Variants in ATP2B2 observed in about 807,000 individuals in gnomAD.
ATP2B2 encodes plasma membrane calcium-transporting ATPase 2.
Under a neutral mutation model 120.0 loss-of-function variants are expected in ATP2B2, and 15 were observed. That is an observed-to-expected ratio of 0.12 (90% CI 0.08 to 0.19). The LOEUF (loss-of-function observed/expected upper bound fraction) is 0.19, where lower values mean the gene tolerates loss of function less well. ATP2B2 is among the 10% of genes least tolerant of loss of function. The pLI, the probability that ATP2B2 is intolerant of heterozygous loss-of-function variation, is 1.00. For synonymous variants in ATP2B2, 694 were observed against 700.3 expected (o/e 0.99, Z 0.14); for missense variants, 1,045 against 1,719.8 (o/e 0.61, Z 6.94).
At chr3:10,400,669 T>G (rs912767502) in intron 5 of ATP2B2, among the ~76,000 whole-genome samples, 1 of 152,324 alleles carries the variant, frequency 6.6e-6, no homozygotes, top group Non-Finnish European at 1.5e-5. Flanking sequence ...GTGTTCAGCT[T>G]TTTAGTAAAC....
intron 1 of ATP2B2, among the ~76,000 whole-genome samples, chr3:10,647,933 T>C (rs2070363124): frequency 1.3e-5 from 2 of 152,138 alleles, no homozygotes; most frequent in South Asian, 4.1e-4. Flanking sequence ...CCACACACAA[T>C]GGTCTTCATC....
chr3:10,386,371 G>T, intron 7 of ATP2B2, 109 bp downstream of exon 7: 1 of 1,268,546 alleles, frequency 7.9e-7, no homozygotes, highest in Non-Finnish European at 1.2e-6. Flanking sequence ...CCACCCACAG[G>T]CATGTGGCCT....
At chr3:10,569,950 T>C (rs556665469) in intron 2 of ATP2B2, among the ~76,000 whole-genome samples, 85 of 152,276 alleles carry the variant, frequency 5.6e-4, no homozygotes, top group African/African-American at 2.0e-3. Flanking sequence ...AAAACAAAAT[T>C]GGGAAGCTAA....
chr3:10,541,603 T>C (rs2067441522), intron 2 of ATP2B2, among the ~76,000 whole-genome samples: 1 of 152,250 alleles, frequency 6.6e-6, no homozygotes, highest in Non-Finnish European at 1.5e-5. Context: ...GACTTCTGGT[T>C]TGATTCCACC....
Position 10,416,675 on chromosome 3 carries a change from C to T in ATP2B2, c.200-5860G>A, listed in dbSNP as rs569274809. ...GGGGCAAAGGGAGCCTGTGCTTTGG[C>T]CCCAGAGCACAGAGCTGGCGACCTG... On this transcript the variant is annotated intron_variant, in intron 2 of 22. Transcript: ENST00000360273. Among the ~76,000 whole-genome samples the T allele has an allele frequency of 2.0e-5, 3 of 152,082 alleles. 1 individual carries two copies. The highest frequency in any genetic ancestry group is 7.2e-5 in the African/African-American group (3 of 41,468).
chr3:10,538,020 T>C (rs982793178), intron 2 of ATP2B2, among the ~76,000 whole-genome samples: 1 of 152,262 alleles, frequency 6.6e-6, no homozygotes, highest in African/African-American at 2.4e-5. Context: ...TAATTCTTTT[T>C]ACACAGTGTT....
chr3:10,683,760 G>GTGTATATATA lies in ATP2B2; in HGVS notation c.-460+24154_-460+24155insTATATATACA, dbSNP rs1446781892. 4.2e-3 allele frequency among the ~76,000 whole-genome samples: 225 copies of GTGTATATATA among 53,768 alleles called. 2 individuals carry two copies. Among genetic ancestry groups the GTGTATATATA allele is most frequent in the Non-Finnish European group, 5.5e-3 (143 of 26,104 alleles). The allele number at this position is 53,768 out of a possible 152,430, so 35.3% of individuals were successfully genotyped here. On this transcript the variant is annotated intron_variant, in intron 1 of 21. Coordinates refer to the ATP2B2 transcript ENST00000646379. ...TATGTGTATATATATGTGTGTGTGT[G>GTGTATATATA]TATATATATATATATATATATATAT...
chr3:10,342,696 G>A lies in ATP2B2; in HGVS notation c.2917+56C>T, dbSNP rs1436614031. 2 of 1,568,678 alleles carry A rather than the reference G, an allele frequency of 1.3e-6. No individual in the cohort carries two copies. The highest frequency in any genetic ancestry group is 3.4e-5 in the Admixed American group (2 of 59,668). ...GAGAATGCTGGGTGAGAGCCATGGT[G>A]CACCCAGAAGGTGATGACCCCGCCT... On this transcript the variant is annotated intron_variant, in intron 19 of 22. Transcript: ENST00000360273. The surrounding 1 kb of genome is among the most constrained non-coding windows in gnomAD (Gnocchi z 4.4).
intron 1 of ATP2B2, among the ~76,000 whole-genome samples, chr3:10,679,954 A>G (rs1278743873): frequency 6.6e-6 from 1 of 152,100 alleles, no homozygotes; most frequent in Admixed American, 6.5e-5. Flanking sequence ...TGGTCGGTAT[A>G]TGGTTCGAGG....
intron 22 of ATP2B2, among the ~76,000 whole-genome samples, chr3:10,331,399 T>C (rs1466459319): frequency 6.6e-6 from 1 of 152,196 alleles, no homozygotes; most frequent in East Asian, 1.9e-4. Flanking sequence ...TGAAGTGCAA[T>C]TCAGATGCTG....
chr3:10,654,388 T>C (rs1325581391), intron 1 of ATP2B2, among the ~76,000 whole-genome samples: 1 of 152,090 alleles, frequency 6.6e-6, no homozygotes, highest in Admixed American at 6.5e-5. Context: ...TTTGCTCAAT[T>C]AGTGGCTGGC....
chr3:10,374,732 G>A (rs2061336227), intron 11 of ATP2B2, among the ~76,000 whole-genome samples: 8 of 152,256 alleles, frequency 5.3e-5, no homozygotes, highest in South Asian at 4.1e-4. Flanking sequence ...GCAGGTGGAG[G>A]TGCAGCTCTG....
At chr3:10,395,180 T>C (rs1200711940) in intron 5 of ATP2B2, among the ~76,000 whole-genome samples, 1 of 152,174 alleles carries the variant, frequency 6.6e-6, no homozygotes, top group Non-Finnish European at 1.5e-5. Context: ...TTAGTGGAAC[T>C]CTCACGGAAG....
chr3:10,684,656 A>T (rs1447402375), intron 1 of ATP2B2, among the ~76,000 whole-genome samples: 1 of 152,214 alleles, frequency 6.6e-6, no homozygotes, highest in African/African-American at 2.4e-5. Flanking sequence ...GGGCAATGGG[A>T]CCTAAGCTCT....
At chr3:10,705,489 C>T (rs1322804882) in intron 1 of ATP2B2, among the ~76,000 whole-genome samples, 1 of 152,222 alleles carries the variant, frequency 6.6e-6, no homozygotes, top group Non-Finnish European at 1.5e-5. Context: ...TCCAGGCAGA[C>T]TCTGTCTGCT....
At chr3:10,331,181 T>G (rs565825031) in intron 22 of ATP2B2, among the ~76,000 whole-genome samples, 1 of 152,332 alleles carries the variant, frequency 6.6e-6, no homozygotes, top group African/African-American at 2.4e-5. Context: ...TCATGGCCAC[T>G]GTGGCTGCTC....
At chr3:10,365,607 T>TGA (rs959830049) in intron 12 of ATP2B2, among the ~76,000 whole-genome samples, 7 of 150,328 alleles carry the variant, frequency 4.7e-5, no homozygotes, top group Non-Finnish European at 1.0e-4. Context: ...TGTGTGTGTG[T>TGA]GATGCATGGG....
At position 10,459,265 on chromosome 3, in the gene ATP2B2, TA is replaced by T. The variant is rs1236549498; in HGVS notation, c.-319-9404del. Among the ~76,000 whole-genome samples, 8 of 152,250 alleles carry T rather than the reference TA, an allele frequency of 5.3e-5. 1 individual carries two copies. ...GTTCCATGTTTAGAAATAATTTCCT[TA>T]AAAAATATTTGTGGAGTTTCTAATG... On this transcript the variant is annotated intron_variant, in intron 1 of 22. Transcript: ENST00000360273.
At chr3:10,567,299 G>T (rs1264584706) in intron 2 of ATP2B2, among the ~76,000 whole-genome samples, 1 of 152,234 alleles carries the variant, frequency 6.6e-6, no homozygotes, top group African/African-American at 2.4e-5. Context: ...AAAAGTCTCA[G>T]CTCTATGACC....
Sources: allele counts gnomAD v4.1 joint callset (sites outside exome capture counted in the v4.1 genomes callset), GRCh38; gene constraint gnomAD v4.1.1; non-coding constraint Gnocchi (gnomAD v3.1); transcripts MANE v1.5; gene names NCBI Gene and HGNC (gene_info 2026-07-23, HGNC 2026-07-21).